Variants in EIF4G1 observed in about 807,000 individuals in gnomAD.
EIF4G1 encodes the protein EIF4-gamma.
EIF4G1 carries 4 observed loss-of-function variants against 187.8 expected under a neutral mutation model. That is an observed-to-expected ratio of 0.02 (90% CI 0.01 to 0.05). EIF4G1 has a LOEUF of 0.05. EIF4G1 is among the 10% of genes least tolerant of loss of function. The probability of loss-of-function intolerance (pLI) is 1.00; values close to 1 mark genes in which losing one functional copy is unlikely to be tolerated. For missense variants in EIF4G1, 1,647 were observed against 2,081.1 expected, an observed-to-expected ratio of 0.79 and a Z score of 4.06; for synonymous variants, 844 against 781.4, an observed-to-expected ratio of 1.08 and a Z score of -1.34.
At chr3:184,316,359 C>A in intron 4 of EIF4G1, 141 bp downstream of exon 4, 2 of 1,135,308 alleles carry the variant, frequency 1.8e-6, no homozygotes, top group Non-Finnish European at 2.5e-6. Flanking sequence ...CTGCGCCTTG[C>A]CCTGTTGATT....
intron 1 of EIF4G1, 127 bp downstream of exon 1, chr3:184,314,801 G>C (rs1722410049): frequency 7.0e-6 from 1 of 143,820 alleles, no homozygotes; most frequent in African/African-American, 2.5e-5. Context: ...GCCCGACCCA[G>C]GGCCCCGGCC....
In EIF4G1 at chr3:184,321,550, A is replaced by G; in HGVS notation, c.966A>G (p.Glu322=). The G allele has an allele frequency of 2.5e-6, 4 of 1,614,210 alleles. No individual in the cohort carries two copies. Among genetic ancestry groups the G allele is most frequent in the Non-Finnish European group, 3.4e-6 (4 of 1,180,034 alleles). Residue 322 remains glutamate (E), a synonymous_variant, in exon 10 of 33, where the codon GAA becomes GAG. Transcript: ENST00000346169. ...CTCCAGAACCCACTCCTCTCGCCGA[A>G]CCCATACTGGAAGTAGAAGTGACAC... The part of the protein sequence containing the change: ...RLSPEPTPLA[E]PILEVEVTLS...
intron 26 of EIF4G1, 120 bp from the exon 27 acceptor site, chr3:184,328,511 C>T (rs1725406877): frequency 1.4e-6 from 2 of 1,393,602 alleles, no homozygotes; most frequent in Non-Finnish European, 2.0e-6. Flanking sequence ...AAATAATTGT[C>T]CCCATGTCTA....
Position 184,331,615 on chromosome 3 carries a change from C to T in EIF4G1, c.4395+9C>T, listed in dbSNP as rs1577257743. ...TGTTCGACTGGATAGAGGTAGGTTT[C>T]TCCTGGATATCGATAAAGGAAAGGT... On this transcript the variant is annotated intron_variant, in intron 30 of 32. Transcript: ENST00000346169. 1.9e-6 allele frequency: 3 copies of T among 1,591,802 alleles called. No homozygotes were observed. Among genetic ancestry groups the T allele is most frequent in the Non-Finnish European group, 2.6e-6 (3 of 1,165,504 alleles).
chr3:184,330,405 G>C lies in EIF4G1; in HGVS notation c.4162-861G>C, dbSNP rs182715056. On this transcript the variant is annotated intron_variant, in intron 28 of 32. Coordinates refer to ENST00000346169, the MANE Select transcript of EIF4G1 (RefSeq NM_198241.3). ...AAATAAAAAAAGATATATATCGGCT[G>C]TAAGACAACTTTTAGTTAAAATGTG... Among the ~76,000 whole-genome samples the C allele has an allele frequency of 2.2e-3, 328 of 152,118 alleles. 1 individual carries two copies. The highest frequency in any genetic ancestry group is 7.5e-3 in the African/African-American group (312 of 41,452).
At chr3:184,314,927 G>A (rs1406852451) in intron 1 of EIF4G1, among the ~76,000 whole-genome samples, 2 of 151,186 alleles carry the variant, frequency 1.3e-5, no homozygotes, top group African/African-American at 4.8e-5. Context: ...GTAGGGCGCC[G>A]GGTTCGTCGC....
At position 184,323,362 on chromosome 3, in the gene EIF4G1, C is replaced by G. The variant is rs772821304; in HGVS notation, c.2089-46C>G. On this transcript the variant is annotated intron_variant, in intron 14 of 32. Coordinates refer to ENST00000346169, the MANE Select transcript of EIF4G1 (RefSeq NM_198241.3). This position sits in a 1 kb window ranked among gnomAD's most constrained non-coding sequence, Gnocchi z 6.9. ...TGTAGTAGTGGTGTCACATATTGTG[C>G]TGACTAGTTCCATGTCCCCTCTTGT... 1 of 1,613,282 alleles carries G rather than the reference C, an allele frequency of 6.2e-7. No homozygotes were observed. Among genetic ancestry groups the G allele is most frequent in the Non-Finnish European group, 8.5e-7 (1 of 1,179,538 alleles).
At chr3:184,331,422 G>T (rs777056291) in intron 29 of EIF4G1, 50 bp from the exon 30 acceptor site, 1 of 1,614,076 alleles carries the variant, frequency 6.2e-7, no homozygotes, top group Admixed American at 1.7e-5. Context: ...CTTCTTTCTT[G>T]TCTCCTGTTG....
At chr3:184,322,777 G>A in intron 12 of EIF4G1, 44 bp from the exon 13 acceptor site, 1 of 1,614,192 alleles carries the variant, frequency 6.2e-7, no homozygotes, top group Non-Finnish European at 8.5e-7. Context: ...TCTTATTAGG[G>A]CCAGAGGAGG....
intron 4 of EIF4G1, among the ~76,000 whole-genome samples, chr3:184,316,490 A>G (rs1007725105): frequency 9.2e-5 from 14 of 151,670 alleles, no homozygotes; most frequent in African/African-American, 2.4e-5. Context: ...TTGCTTTCCT[A>G]TTTGCTCCTT....
At chr3:184,318,191 T>C (rs1723116943) in intron 6 of EIF4G1, among the ~76,000 whole-genome samples, 1 of 152,252 alleles carries the variant, frequency 6.6e-6, no homozygotes, top group Non-Finnish European at 1.5e-5. Context: ...CTGTTCTTTA[T>C]GGCAGTGGCT....
chr3:184,317,806 T>C lies in EIF4G1; in HGVS notation c.414T>C (p.Phe138=). The change falls in exon 6 of 33, where the codon TTT becomes TTC. Residue 138 remains phenylalanine, a synonymous_variant. Coordinates refer to ENST00000346169, the MANE Select transcript of EIF4G1 (RefSeq NM_198241.3). Reference sequence around the variant, plus strand: ...ATCCAGGTGCAAGCCCTACAGAATTTGGGACCTACGGTAAGCAGGGGAGGG... The same window carrying C: ...ATCCAGGTGCAAGCCCTACAGAATTCGGGACCTACGGTAAGCAGGGGAGGG... ...GFYPGASPTE[F]GTYAGAYYPA... 6.2e-7 allele frequency: 1 copy of C among 1,613,598 alleles called. No individual in the cohort carries two copies. Among genetic ancestry groups the C allele is most frequent in the Non-Finnish European group, 8.5e-7 (1 of 1,179,548 alleles).
rs1356958514 is a variant in EIF4G1, at chr3:184,315,748, A to G, written c.-34-15A>G. 2 of 1,544,918 alleles carry G rather than the reference A, an allele frequency of 1.3e-6. No individual in the cohort carries two copies. The highest frequency in any genetic ancestry group is 2.0e-5 in the Admixed American group (1 of 50,928). On this transcript the variant is annotated splice_polypyrimidine_tract_variant and intron_variant, in intron 2 of 32. Coordinates refer to ENST00000346169, the MANE Select transcript of EIF4G1 (RefSeq NM_198241.3). Reference sequence around the variant, plus strand: ...GGGTCCCTTCCTCTTCCTGAGCGCCACTCTTTCCCAACAGGTGCTGGGGGG... The same window carrying G: ...GGGTCCCTTCCTCTTCCTGAGCGCCGCTCTTTCCCAACAGGTGCTGGGGGG...
At chr3:184,333,058 C>T (rs1312376450) in intron 32 of EIF4G1, among the ~76,000 whole-genome samples, 3 of 152,142 alleles carry the variant, frequency 2.0e-5, no homozygotes, top group Non-Finnish European at 4.4e-5. Context: ...GCACCAGTGG[C>T]TCAGCCTTGC....
intron 7 of EIF4G1, 47 bp from the exon 8 acceptor site, chr3:184,320,583 G>A (rs540335148): frequency 6.2e-7 from 1 of 1,613,760 alleles, no homozygotes; most frequent in South Asian, 1.1e-5. Context: ...GGGTGGAGAG[G>A]TGGGCTCTTC....
chr3:184,328,550 A>G, intron 26 of EIF4G1, 81 bp from the exon 27 acceptor site: 1 of 1,601,332 alleles, frequency 6.2e-7, no homozygotes, highest in Non-Finnish European at 8.6e-7. Context: ...TCCATAGTTG[A>G]TGCCCTAGCC....
Position 184,321,689 on chromosome 3 carries a change from G to T in EIF4G1, c.1105G>T (p.Asp369Tyr). ...HEPNGMVPSEDLEPEVESSPE... is the reference protein window; with the variant it reads ...HEPNGMVPSEYLEPEVESSPE... ...GCCTAATGGCATGGTCCCATCTGAA[G>T]ATCTGGAACCAGAGGTGGAGTCAAG... The change falls in exon 10 of 33, where the codon GAT becomes TAT. Residue 369 changes from aspartate (D) to tyrosine (Y), a missense_variant. Physicochemically the swap from Asp to Tyr is radical, Grantham distance 160. Transcript: ENST00000346169. 1 of 1,594,496 alleles carries T rather than the reference G, an allele frequency of 6.3e-7. No homozygotes were observed. The highest frequency in any genetic ancestry group is 8.6e-7 in the Non-Finnish European group (1 of 1,168,422).
In EIF4G1 at chr3:184,334,794, T is replaced by C. The variant is rs1577274533; in HGVS notation, c.4686T>C (p.Ser1562=). Residue 1562 remains serine, a synonymous_variant, in exon 33 of 33, where the codon AGT becomes AGC. Transcript: ENST00000346169. This position sits in a 1 kb window ranked among gnomAD's most constrained non-coding sequence, Gnocchi z 5.8. ...EDVVKEDAFY[S]WESSKDPAEQ... is the part of the protein sequence containing the mutation. ...TGGTGAAGGAGGATGCCTTCTACAG[T>C]TGGGAGAGTAGCAAGGACCCCGCTG... The C allele has an allele frequency of 6.2e-7, 1 of 1,614,120 alleles. No individual in the cohort carries two copies. The highest frequency in any genetic ancestry group is 8.5e-7 in the Non-Finnish European group (1 of 1,180,018).
chr3:184,323,684 G>A lies in EIF4G1; in HGVS notation c.2274+91G>A. 1 of 1,609,802 alleles carries A rather than the reference G, an allele frequency of 6.2e-7. No homozygotes were observed. ...TTGCTTCTTTTTGTCCTTATCACTA[G>A]CATCTGTCATGCCTAAGTCCCCACC... On this transcript the variant is annotated intron_variant, in intron 15 of 32. Coordinates refer to ENST00000346169, the MANE Select transcript of EIF4G1 (RefSeq NM_198241.3). This position sits in a 1 kb window ranked among gnomAD's most constrained non-coding sequence, Gnocchi z 6.9.
Sources: allele counts gnomAD v4.1 joint callset (sites outside exome capture counted in the v4.1 genomes callset), GRCh38; gene constraint gnomAD v4.1.1; non-coding constraint Gnocchi (gnomAD v3.1); transcripts MANE v1.5; gene names NCBI Gene and HGNC (gene_info 2026-07-23, HGNC 2026-07-21).